EFNA5: variants seen among roughly 807,000 people sequenced by gnomAD.
The protein encoded by EFNA5 is ephrin-A5.
A neutral mutation model predicts 22.9 loss-of-function variants in EFNA5; 5 were observed. That is an observed-to-expected ratio of 0.22 (90% confidence interval 0.11 to 0.46). The LOEUF (loss-of-function observed/expected upper bound fraction) is 0.46, where lower values mean the gene tolerates loss of function less well. EFNA5 is among the 20% of genes least tolerant of loss of function. EFNA5 has a pLI of 0.99. For synonymous variants in EFNA5, 113 were observed against 112.2 expected (o/e 1.01, Z -0.04); for missense variants, 237 against 293.3 (o/e 0.81, Z 1.40).
intron 1 of EFNA5, among the ~76,000 whole-genome samples, chr5:107,627,147 T>C (rs920368991): frequency 1.3e-5 from 2 of 152,248 alleles, no homozygotes; most frequent in African/African-American, 4.8e-5. Flanking sequence ...TTTCTGTTTG[T>C]TAACTTTGGT....
intron 1 of EFNA5, among the ~76,000 whole-genome samples, chr5:107,479,469 A>C (rs556009097): frequency 1.5e-4 from 23 of 152,180 alleles, no homozygotes; most frequent in Middle Eastern, 3.4e-3. Context: ...TAAAAAAAAA[A>C]AACAACCTAA....
chr5:107,564,641 T>G (rs919124174), intron 1 of EFNA5, among the ~76,000 whole-genome samples: 12 of 150,144 alleles, frequency 8.0e-5, no homozygotes, highest in Non-Finnish European at 1.6e-4. Flanking sequence ...GTTTTTTTTT[T>G]TTTTTTTTTT....
At chr5:107,670,185 G>A (rs1422976429) in intron 1 of EFNA5, among the ~76,000 whole-genome samples, 1 of 152,132 alleles carries the variant, frequency 6.6e-6, no homozygotes, top group African/African-American at 2.4e-5. Flanking sequence ...CCGGGGCTGG[G>A]AAGCAGAGAA....
chr5:107,489,660 A>ACCCCC (rs4011600), intron 1 of EFNA5, among the ~76,000 whole-genome samples: 1 of 143,164 alleles, frequency 7.0e-6, no homozygotes, highest in Admixed American at 6.9e-5. Context: ...GACCCCACCT[A>ACCCCC]CCCCCCCCAC....
intron 2 of EFNA5, among the ~76,000 whole-genome samples, chr5:107,419,167 T>C (rs1272201798): frequency 2.6e-5 from 4 of 152,314 alleles, no homozygotes; most frequent in South Asian, 4.1e-4. Context: ...TGGCAGTAAA[T>C]AACTGTTTTC....
At chr5:107,400,820 T>C (rs1305315185) in intron 2 of EFNA5, among the ~76,000 whole-genome samples, 2 of 152,354 alleles carry the variant, frequency 1.3e-5, no homozygotes, top group East Asian at 3.9e-4. Context: ...TATTACCTTT[T>C]ATATTTCCTC....
At chr5:107,413,476 T>C (rs981871383) in intron 2 of EFNA5, among the ~76,000 whole-genome samples, 1 of 152,176 alleles carries the variant, frequency 6.6e-6, no homozygotes, top group Non-Finnish European at 1.5e-5. Context: ...TTCTTCAGTG[T>C]TCCTTCCAAA....
chr5:107,444,585 G>A (rs200909806), intron 1 of EFNA5, among the ~76,000 whole-genome samples: 1 of 152,182 alleles, frequency 6.6e-6, no homozygotes, highest in East Asian at 1.9e-4. Flanking sequence ...ATTTTAAATA[G>A]TCATGGCTGA....
At chr5:107,397,305 CTT>C (rs1256696730) in intron 2 of EFNA5, among the ~76,000 whole-genome samples, 1 of 151,948 alleles carries the variant, frequency 6.6e-6, no homozygotes, top group African/African-American at 2.4e-5. Flanking sequence ...AATCCCAACA[CTT>C]TGGGAGGCCG....
At chr5:107,435,500 T>C (rs1177775336) in intron 1 of EFNA5, among the ~76,000 whole-genome samples, 2 of 152,084 alleles carry the variant, frequency 1.3e-5, no homozygotes, top group African/African-American at 2.4e-5. Context: ...GATGTATTGG[T>C]AATCAACCTC....
intron 1 of EFNA5, among the ~76,000 whole-genome samples, chr5:107,550,788 C>T (rs1038149377): frequency 6.6e-6 from 1 of 152,038 alleles, no homozygotes; most frequent in Admixed American, 6.6e-5. Context: ...TCTAGAAGTC[C>T]TTAGAATATT....
At chr5:107,616,485 T>A (rs1161833928) in intron 1 of EFNA5, among the ~76,000 whole-genome samples, 1 of 152,136 alleles carries the variant, frequency 6.6e-6, no homozygotes, top group African/African-American at 2.4e-5. Flanking sequence ...ATAAACCACA[T>A]GTGGGTAACT....
chr5:107,473,550 A>AGGTAGC (rs1750199907), intron 1 of EFNA5, among the ~76,000 whole-genome samples: 1 of 151,988 alleles, frequency 6.6e-6, no homozygotes, highest in African/African-American at 2.4e-5. Flanking sequence ...GTAGCCTAAC[A>AGGTAGC]CTCTACAATT....
chr5:107,515,364 T>TATG (rs1747454990), intron 1 of EFNA5, among the ~76,000 whole-genome samples: 2 of 46,460 alleles, frequency 4.3e-5, no homozygotes, highest in Admixed American at 2.8e-4. Context: ...TTTTTTATTT[T>TATG]ATTATTATTA....
At chr5:107,387,947 A>G (rs1309173380) in intron 2 of EFNA5, among the ~76,000 whole-genome samples, 176 bp from the exon 3 acceptor site, 1 of 152,252 alleles carries the variant, frequency 6.6e-6, no homozygotes, top group Non-Finnish European at 1.5e-5. Context: ...TCACTGCTAT[A>G]GAAAGGCTAC....
At chr5:107,498,563 GACAA>G (rs1230834941) in intron 1 of EFNA5, among the ~76,000 whole-genome samples, 10 of 152,152 alleles carry the variant, frequency 6.6e-5, no homozygotes, top group Admixed American at 2.0e-4. Context: ...TGCCACAATG[GACAA>G]ACAAACATAT....
At chr5:107,660,660 T>C (rs1017242334) in intron 1 of EFNA5, among the ~76,000 whole-genome samples, 1 of 152,152 alleles carries the variant, frequency 6.6e-6, no homozygotes, top group Non-Finnish European at 1.5e-5. Flanking sequence ...ACAAAATACC[T>C]GGGTGCTACA....
intron 2 of EFNA5, among the ~76,000 whole-genome samples, chr5:107,412,510 A>T (rs1026655193): frequency 1.3e-5 from 2 of 152,168 alleles, no homozygotes; most frequent in African/African-American, 4.8e-5. Flanking sequence ...GAAAAAGATA[A>T]TTTATCCCAT....
intron 1 of EFNA5, among the ~76,000 whole-genome samples, chr5:107,650,334 T>C (rs936293342): frequency 3.9e-5 from 6 of 152,098 alleles, no homozygotes; most frequent in African/African-American, 1.4e-4. Flanking sequence ...GGAGATTAGG[T>C]GAGAACCTGA....
Sources: gnomAD v4.1 joint callset for allele counts (sites outside exome capture counted in the v4.1 genomes callset) on GRCh38, gnomAD v4.1.1 for gene constraint, MANE v1.5 for transcripts, NCBI Gene and HGNC (gene_info 2026-07-23, HGNC 2026-07-21) for gene names.